The following ADGRG6 variants were observed in gnomAD, a reference collection of about 807,000 sequenced individuals.
ADGRG6 encodes G-protein coupled receptor 126.
ADGRG6 carries 84 observed loss-of-function variants against 142.4 expected under a neutral mutation model. The observed-to-expected ratio is 0.59, with a 90% CI of 0.49 to 0.71. The LOEUF is 0.71. ADGRG6 is among the 30% of genes least tolerant of loss of function. The pLI, the probability that ADGRG6 is intolerant of heterozygous loss-of-function variation, is 0.00. For synonymous variants in ADGRG6, 521 were observed against 520.5 expected (o/e 1.00, Z -0.01); for missense variants, 1,367 against 1,466.6 (o/e 0.93, Z 1.11).
intron 2 of ADGRG6, among the ~76,000 whole-genome samples, chr6:142,339,993 G>A (rs1779535713): frequency 6.6e-6 from 1 of 152,042 alleles, no homozygotes; most frequent in African/African-American, 2.4e-5. Context: ...AAAAGCTTTT[G>A]AATATTAGAT....
rs11970418 is a variant in ADGRG6 at position 142,346,666 on chromosome 6, A to T, written c.104-20903A>T. On this transcript the variant is annotated intron_variant, in intron 2 of 24. Transcript: ENST00000367609. ...ATAGAATGGATAAAGGAAACATGGC[A>T]CATATACACCATGGAATACTATGCA... Among the ~76,000 whole-genome samples, 199 of 152,310 alleles carry T rather than the reference A, an allele frequency of 1.3e-3. 1 individual carries two copies. The highest frequency in any genetic ancestry group is 4.5e-3 in the African/African-American group (187 of 41,556).
rs371516765 is a variant in ADGRG6, at chr6:142,370,807, G to A, written c.1069+14G>A. 1.0e-4 allele frequency: 159 copies of A among 1,588,826 alleles called. No homozygotes were observed. In the African/African-American group the frequency reaches 1.6e-3, roughly 16 times the overall value. ...ACCTAAGCTGTGGTGAGTTTGTAGC[G>A]TATTCCTTTTTTTTTTTTTTTTTAG... is the stretch of plus-strand genomic sequence containing the variant. On this transcript the variant is annotated intron_variant, in intron 4 of 24. Coordinates refer to ENST00000367609, the MANE Select transcript of ADGRG6 (RefSeq NM_198569.3).
intron 2 of ADGRG6, among the ~76,000 whole-genome samples, chr6:142,341,644 A>ATATACTATATAGTATATATAATATATATT (rs1562324247): frequency 7.6e-6 from 1 of 131,978 alleles, no homozygotes; most frequent in African/African-American, 2.9e-5. Context: ...TAATATATAT[A>ATATACTATATAGTATATATAATATATATT]ATATATACTA....
intron 6 of ADGRG6, among the ~76,000 whole-genome samples, chr6:142,389,799 ATG>A (rs1354691250): frequency 1.3e-5 from 2 of 151,838 alleles, no homozygotes; most frequent in Non-Finnish European, 1.5e-5. Context: ...GGTAGTAAGT[ATG>A]TGTATGCCTG....
At chr6:142,433,003 C>T (rs540348009) in intron 22 of ADGRG6, among the ~76,000 whole-genome samples, 2 of 152,284 alleles carry the variant, frequency 1.3e-5, no homozygotes, top group Admixed American at 6.5e-5. Context: ...ACGAATAATA[C>T]CTGGGTTAAT....
intron 1 of ADGRG6, among the ~76,000 whole-genome samples, chr6:142,303,090 C>T (rs541327699): frequency 5.3e-5 from 8 of 152,314 alleles, no homozygotes; most frequent in East Asian, 1.9e-4. Flanking sequence ...GAAGATTGTA[C>T]TCCAAAGGGC....
intron 2 of ADGRG6, among the ~76,000 whole-genome samples, chr6:142,321,869 A>T (rs765100633): frequency 4.6e-5 from 7 of 152,176 alleles, no homozygotes; most frequent in South Asian, 4.1e-4. Context: ...TCATCCAGTT[A>T]AAATATACAA....
intron 2 of ADGRG6, among the ~76,000 whole-genome samples, chr6:142,317,122 A>AT (rs905895007): frequency 2.5e-4 from 38 of 152,168 alleles, no homozygotes; most frequent in African/African-American, 9.1e-4. Flanking sequence ...GATACAGGAC[A>AT]TTTTCCTTCC....
chr6:142,373,881 CTTTTTTTTTTTT>C (rs769498618), intron 4 of ADGRG6, among the ~76,000 whole-genome samples: 1 of 93,870 alleles, frequency 1.1e-5, no homozygotes, highest in East Asian at 2.9e-4. Flanking sequence ...TTTTTCTTTT[CTTTTTTTTTTTT>C]TTTTTTTTTT....
intron 10 of ADGRG6, among the ~76,000 whole-genome samples, chr6:142,398,688 A>G (rs553379437): frequency 6.6e-6 from 1 of 152,244 alleles, no homozygotes; most frequent in South Asian, 2.1e-4. Context: ...CAACCTCATT[A>G]TCACCTATGT....
At chr6:142,338,021 T>TTTTTTTTTTTTTTTTTTTTG (rs1562321002) in intron 2 of ADGRG6, among the ~76,000 whole-genome samples, 1 of 30,468 alleles carries the variant, frequency 3.3e-5, no homozygotes, top group African/African-American at 7.9e-5. Context: ...ATCTTTGTTT[T>TTTTTTTTTTTTTTTTTTTTG]TTTTTTTTTT....
intron 4 of ADGRG6, among the ~76,000 whole-genome samples, chr6:142,381,642 C>A: frequency 6.6e-6 from 1 of 152,178 alleles, no homozygotes; most frequent in East Asian, 1.9e-4. Flanking sequence ...AATTCCCACC[C>A]AAACTCTTAA....
chr6:142,395,649 T>C (rs939762134), intron 9 of ADGRG6, among the ~76,000 whole-genome samples: 2 of 152,204 alleles, frequency 1.3e-5, no homozygotes, highest in Admixed American at 1.3e-4. Context: ...AGACAGTGTA[T>C]ATAGCAAAAT....
chr6:142,350,685 G>A (rs1055499547), intron 2 of ADGRG6, among the ~76,000 whole-genome samples: 1 of 152,134 alleles, frequency 6.6e-6, no homozygotes, highest in African/African-American at 2.4e-5. Context: ...ATCCTCAAGT[G>A]GAATTCAGTT....
At chr6:142,366,943 A>G (rs1780967687) in intron 2 of ADGRG6, among the ~76,000 whole-genome samples, 1 of 152,184 alleles carries the variant, frequency 6.6e-6, no homozygotes, top group Admixed American at 6.5e-5. Context: ...GGATAAGTGA[A>G]TGTATTTTCG....
intron 2 of ADGRG6, among the ~76,000 whole-genome samples, chr6:142,363,443 G>C (rs1780810066): frequency 6.6e-6 from 1 of 152,092 alleles, no homozygotes; most frequent in African/African-American, 2.4e-5. Flanking sequence ...ATAGATTAGA[G>C]TTTCATTGAA....
At position 142,302,064 on chromosome 6, in the gene ADGRG6, C is replaced by T. The variant is rs77043049; in HGVS notation, c.-266C>T. Reference sequence around the variant, plus strand: ...CTACTTCCTCAGCTTCTCGCCCTCACCCTGCCAACTTCCCTGCGAGGAGGG... The same window carrying T: ...CTACTTCCTCAGCTTCTCGCCCTCATCCTGCCAACTTCCCTGCGAGGAGGG... On this transcript the variant is annotated 5_prime_UTR_variant, in exon 1 of 25. Transcript: ENST00000367609. 3,792 of 537,340 alleles carry T rather than the reference C, an allele frequency of 7.1e-3. 102 individuals are homozygous for T. The highest frequency in any genetic ancestry group is 0.058 in the African/African-American group (2,992 of 51,556). The allele number at this position is 537,340 out of a possible 1,614,324, so 33.3% of individuals were successfully genotyped here.
At chr6:142,335,095 T>G (rs1398939173) in intron 2 of ADGRG6, among the ~76,000 whole-genome samples, 2 of 152,172 alleles carry the variant, frequency 1.3e-5, no homozygotes, top group East Asian at 3.8e-4. Flanking sequence ...GCAAAAGACG[T>G]GTTTAAAGAG....
intron 2 of ADGRG6, among the ~76,000 whole-genome samples, chr6:142,316,762 G>T (rs1778097147): frequency 6.6e-6 from 1 of 152,022 alleles, no homozygotes; most frequent in Non-Finnish European, 1.5e-5. Flanking sequence ...GTGCTATGAG[G>T]AGGAAAAGCT....
Sources: allele counts gnomAD v4.1 joint callset (sites outside exome capture counted in the v4.1 genomes callset), GRCh38; gene constraint gnomAD v4.1.1; transcripts MANE v1.5; gene names NCBI Gene and HGNC (gene_info 2026-07-23, HGNC 2026-07-21).